The following CTNNA2 variants were observed in gnomAD, a reference collection of about 807,000 sequenced individuals.
The protein encoded by CTNNA2 is catenin alpha 2, also known as catenin alpha-2.
A neutral mutation model predicts 101.0 loss-of-function variants in CTNNA2; 42 were observed. That is an observed-to-expected ratio of 0.42 (90% CI 0.32 to 0.54). The LOEUF (loss-of-function observed/expected upper bound fraction) is 0.54. Among genes scored for constraint, CTNNA2 ranks in the 20% least tolerant of loss-of-function variants. The probability of loss-of-function intolerance (pLI) is 0.14; values close to 1 mark genes in which losing one functional copy is unlikely to be tolerated. For missense variants in CTNNA2, 871 were observed against 1,223.1 expected (o/e 0.71, Z 4.29); for synonymous variants, 450 against 456.4 (o/e 0.99, Z 0.18).
intron 1 of CTNNA2, among the ~76,000 whole-genome samples, chr2:79,646,936 T>A (rs1680863620): frequency 6.6e-6 from 1 of 152,232 alleles, no homozygotes; most frequent in Non-Finnish European, 1.5e-5. Context: ...TGTCTTTTGT[T>A]ATTTACAATC....
At position 79,731,948 on chromosome 2, in the gene CTNNA2, T is replaced by A. The variant is rs182837579; in HGVS notation, c.103-12439T>A. Among the ~76,000 whole-genome samples the A allele has an allele frequency of 1.5e-3, 221 of 151,996 alleles. 1 individual carries two copies. The highest frequency in any genetic ancestry group is 5.1e-3 in the African/African-American group (210 of 41,534). On this transcript the variant is annotated intron_variant, in intron 2 of 18. Coordinates refer to ENST00000402739, the MANE Select transcript of CTNNA2 (RefSeq NM_001282597.3). ...CACTCATTTTCTCCTAAAATGACAT[T>A]AAAAAGAGTAAAAGCTTGTAAAGTC...
At chr2:79,501,238 CA>C (rs1671316420) in intron 4 of CTNNA2, among the ~76,000 whole-genome samples, 1 of 152,100 alleles carries the variant, frequency 6.6e-6, no homozygotes, top group Non-Finnish European at 1.5e-5. Context: ...TCACATTTAC[CA>C]AATTATCTGT....
At chr2:79,528,176 C>T (rs368869608) in intron 1 of CTNNA2, among the ~76,000 whole-genome samples, 3 of 150,550 alleles carry the variant, frequency 2.0e-5, no homozygotes, top group East Asian at 2.0e-4. Flanking sequence ...GAAGAATGAA[C>T]GCTAATGGGT....
intron 15 of CTNNA2, among the ~76,000 whole-genome samples, chr2:80,592,114 A>C (rs2149743276): frequency 6.6e-6 from 1 of 152,354 alleles, no homozygotes; most frequent in East Asian, 1.9e-4. Context: ...AATCAAACTT[A>C]AGTTCTAATC....
At chr2:80,504,381 T>C (rs1688109816) in intron 9 of CTNNA2, among the ~76,000 whole-genome samples, 1 of 152,164 alleles carries the variant, frequency 6.6e-6, no homozygotes, top group South Asian at 2.1e-4. Flanking sequence ...GCTCCATAGA[T>C]AAGGCTGGGC....
At chr2:80,248,983 C>T (rs1452292879) in intron 7 of CTNNA2, among the ~76,000 whole-genome samples, 1 of 152,080 alleles carries the variant, frequency 6.6e-6, no homozygotes, top group East Asian at 1.9e-4. Context: ...ATGGTGATTG[C>T]ACGGTCAGGT....
chr2:80,010,259 C>A (rs1028286314), intron 7 of CTNNA2, among the ~76,000 whole-genome samples: 10 of 152,168 alleles, frequency 6.6e-5, no homozygotes, highest in Non-Finnish European at 1.3e-4. Flanking sequence ...TGAGACAGAA[C>A]TCAAGATTAC....
chr2:79,359,664 C>T (rs939815887), intron 3 of CTNNA2, among the ~76,000 whole-genome samples: 5 of 152,080 alleles, frequency 3.3e-5, no homozygotes, highest in Admixed American at 3.3e-4. Flanking sequence ...GGAGAAATTC[C>T]TAGATCACTT....
intron 3 of CTNNA2, among the ~76,000 whole-genome samples, chr2:79,778,622 C>T (rs1272297206): frequency 2.0e-5 from 3 of 152,032 alleles, no homozygotes; most frequent in Admixed American, 1.3e-4. Context: ...TATATACACA[C>T]GTAACATACG....
chr2:79,946,868 C>T (rs1688529909), intron 7 of CTNNA2, among the ~76,000 whole-genome samples: 1 of 152,114 alleles, frequency 6.6e-6, no homozygotes, highest in African/African-American at 2.4e-5. Flanking sequence ...GCAAAAGCAC[C>T]AAAAACTGTT....
intron 3 of CTNNA2, among the ~76,000 whole-genome samples, chr2:79,755,421 A>G (rs1043648020): frequency 2.0e-5 from 3 of 152,178 alleles, no homozygotes; most frequent in Non-Finnish European, 4.4e-5. Context: ...TCTTGAGTCT[A>G]TGAGTGCAGC....
At chr2:80,574,139 C>T (rs1220971695) in intron 12 of CTNNA2, 24 bp from the exon 13 acceptor site, 10 of 1,602,520 alleles carry the variant, frequency 6.2e-6, no homozygotes, top group African/African-American at 1.3e-5. Flanking sequence ...TTGCCTAATC[C>T]TCTGCTTTTT....
At chr2:80,385,881 G>A (rs116299496) in intron 7 of CTNNA2, among the ~76,000 whole-genome samples, 377 of 152,222 alleles carry the variant, frequency 2.5e-3, no homozygotes, top group African/African-American at 8.7e-3. Flanking sequence ...CCTACAACCT[G>A]TGATTCTACT....
At chr2:79,865,775 A>G (rs1302582835) in intron 4 of CTNNA2, among the ~76,000 whole-genome samples, 2 of 152,226 alleles carry the variant, frequency 1.3e-5, no homozygotes, top group African/African-American at 2.4e-5. Flanking sequence ...GCTGGAGTGC[A>G]GTGGCGCGAT....
intron 7 of CTNNA2, among the ~76,000 whole-genome samples, chr2:79,982,532 G>T (rs934179658): frequency 1.1e-4 from 17 of 149,372 alleles, no homozygotes; most frequent in African/African-American, 3.7e-4. Context: ...TATATATTTT[G>T]TAGAAATGGG....
At position 80,287,316 on chromosome 2, in the gene CTNNA2, C is replaced by G. The variant is rs185050330; in HGVS notation, c.1057-105895C>G. 5.7e-4 allele frequency among the ~76,000 whole-genome samples: 87 copies of G among 152,278 alleles called. 1 individual carries two copies. Among genetic ancestry groups the G allele is most frequent in the Admixed American group, 9.8e-4 (15 of 15,282 alleles). ...ATCAGAAAGACTACCATCTTCCCCC[C>G]TCCCGTGATACCTTATGTTTTCATC... On this transcript the variant is annotated intron_variant, in intron 7 of 18. Transcript: ENST00000402739.
Position 80,086,227 on chromosome 2 carries a change from G to A in CTNNA2, c.1056+176430G>A, listed in dbSNP as rs1160988150. On this transcript the variant is annotated intron_variant, in intron 7 of 18. Transcript: ENST00000402739. ...CAAATGAATAAATGAATTAAAACAAGGACAAGTATTTCCTAGGTTTCCAAA... is the reference window on the plus strand; with the variant it reads ...CAAATGAATAAATGAATTAAAACAAAGACAAGTATTTCCTAGGTTTCCAAA... 3.9e-5 allele frequency among the ~76,000 whole-genome samples: 6 copies of A among 152,000 alleles called. No individual in the cohort carries two copies. In the South Asian group the frequency reaches 8.3e-4, roughly 21 times the overall value.
At chr2:79,944,921 A>G (rs1420011892) in intron 7 of CTNNA2, among the ~76,000 whole-genome samples, 1 of 152,212 alleles carries the variant, frequency 6.6e-6, no homozygotes, top group Non-Finnish European at 1.5e-5. Flanking sequence ...TATTTCATGT[A>G]TCAACATTTG....
chr2:80,098,515 C>G (rs562888419), intron 7 of CTNNA2, among the ~76,000 whole-genome samples: 54 of 152,304 alleles, frequency 3.5e-4, no homozygotes, highest in African/African-American at 1.3e-3. Flanking sequence ...TTGGGAGAAC[C>G]ACTACTCTCT....
Sources: gnomAD v4.1 joint callset for allele counts (sites outside exome capture counted in the v4.1 genomes callset) on GRCh38, gnomAD v4.1.1 for gene constraint, MANE v1.5 for transcripts, NCBI Gene and HGNC (gene_info 2026-07-23, HGNC 2026-07-21) for gene names.